The following SH3RF1 variants were observed in gnomAD, a reference collection of about 807,000 sequenced individuals.
SH3RF1 encodes SH3 domain containing ring finger 1.
In SH3RF1, 32 loss-of-function variants were observed where a neutral mutation model predicts 74.0. The observed-to-expected ratio is 0.43, with a 90% CI of 0.33 to 0.58. The LOEUF is 0.58. Among genes scored for constraint, SH3RF1 ranks in the 20% least tolerant of loss-of-function variants. SH3RF1 has a pLI of 0.05. For synonymous variants in SH3RF1, 396 were observed against 439.6 expected, an observed-to-expected ratio of 0.90 and a Z score of 1.24; for missense variants, 954 against 1,130.9, an observed-to-expected ratio of 0.84 and a Z score of 2.24.
intron 2 of SH3RF1, among the ~76,000 whole-genome samples, chr4:169,169,496 C>A (rs1734292153): frequency 6.6e-6 from 1 of 152,070 alleles, no homozygotes; most frequent in Non-Finnish European, 1.5e-5. Flanking sequence ...ACTTGGGAGG[C>A]TGAGGCAGGA....
At chr4:169,166,301 A>G (rs545768058) in intron 2 of SH3RF1, 7 of 153,326 alleles carry the variant, frequency 4.6e-5, no homozygotes, top group African/African-American at 1.7e-4. Context: ...GAAGCTGGAT[A>G]CTAAAGAGAA....
intron 2 of SH3RF1, chr4:169,217,359 C>G (rs889199254): frequency 6.6e-6 from 1 of 152,100 alleles, no homozygotes; most frequent in Non-Finnish European, 1.5e-5. Context: ...AGCAGAACAC[C>G]AAAGCTTGTC....
intron 11 of SH3RF1, among the ~76,000 whole-genome samples, chr4:169,101,703 G>C (rs1452850086): frequency 2.7e-5 from 4 of 146,360 alleles, no homozygotes; most frequent in Non-Finnish European, 4.5e-5. Context: ...AAGGAAAAAT[G>C]TATAAAGCTG....
At chr4:169,258,920 C>T (rs1731231498) in intron 2 of SH3RF1, among the ~76,000 whole-genome samples, 1 of 152,136 alleles carries the variant, frequency 6.6e-6, no homozygotes, top group Non-Finnish European at 1.5e-5. Context: ...AACATTACTG[C>T]TCACATTTCC....
At chr4:169,101,409 T>A (rs1733029716) in intron 11 of SH3RF1, among the ~76,000 whole-genome samples, 1 of 151,966 alleles carries the variant, frequency 6.6e-6, no homozygotes, top group Admixed American at 6.6e-5. Context: ...TGCCCAGAAG[T>A]CACTTACGGG....
intron 10 of SH3RF1, among the ~76,000 whole-genome samples, chr4:169,109,941 G>A (rs546344789): frequency 6.6e-6 from 1 of 151,710 alleles, no homozygotes; most frequent in East Asian, 1.9e-4. Flanking sequence ...TGAGCCTGGA[G>A]GTTGAAGTTG....
intron 8 of SH3RF1, among the ~76,000 whole-genome samples, chr4:169,119,513 C>G (rs1369123823): frequency 3.9e-5 from 6 of 152,004 alleles, no homozygotes; most frequent in African/African-American, 1.4e-4. Context: ...CCTTCATTAA[C>G]TTTATTTTTT....
At chr4:169,186,883 G>A (rs1579126368) in intron 2 of SH3RF1, among the ~76,000 whole-genome samples, 2 of 150,708 alleles carry the variant, frequency 1.3e-5, no homozygotes, top group African/African-American at 2.4e-5. Flanking sequence ...GCGTGGTGGC[G>A]GGTGACTGTG....
At position 169,096,365 on chromosome 4, in the gene SH3RF1, G is replaced by A. The variant is rs1387464456; in HGVS notation, c.*154C>T. 2.5e-5 allele frequency: 18 copies of A among 728,546 alleles called. No individual in the cohort carries two copies. The highest frequency in any genetic ancestry group is 3.3e-5 in the Non-Finnish European group (15 of 449,390). The allele number at this position is 728,546 out of a possible 1,614,324, so 45.1% of individuals were successfully genotyped here. ...CACAAACATCTTCTTCATTCTGCTC[G>A]CTGGGGTAACTGTGCTGGGGCATCA... On this transcript the variant is annotated 3_prime_UTR_variant, in exon 12 of 12. Transcript: ENST00000284637.
intron 11 of SH3RF1, among the ~76,000 whole-genome samples, chr4:169,100,285 C>T (rs1403169696): frequency 6.6e-6 from 1 of 152,148 alleles, no homozygotes; most frequent in African/African-American, 2.4e-5. Flanking sequence ...CCATCCACTC[C>T]TCTTCATTGT....
At chr4:169,100,354 T>G (rs989775130) in intron 11 of SH3RF1, among the ~76,000 whole-genome samples, 2 of 152,152 alleles carry the variant, frequency 1.3e-5, no homozygotes, top group Non-Finnish European at 2.9e-5. Context: ...ATATCTTTTT[T>G]TTTTAAGACT....
At chr4:169,130,269 T>A (rs1285568191) in intron 5 of SH3RF1, 113 bp from the exon 6 acceptor site, 1 of 770,324 alleles carries the variant, frequency 1.3e-6, no homozygotes, top group Non-Finnish European at 2.0e-6. Context: ...GTACTTTCTG[T>A]TATTTGGGGA....
intron 2 of SH3RF1, among the ~76,000 whole-genome samples, chr4:169,157,747 CT>C (rs34413899): frequency 0.32 from 46,486 of 144,790 alleles, 7,470 homozygotes; most frequent in African/African-American, 0.4. Context: ...CTTTTTTTTT[CT>C]TTTTTTTTTT....
At chr4:169,191,680 G>A (rs1212597561) in intron 2 of SH3RF1, among the ~76,000 whole-genome samples, 1 of 152,064 alleles carries the variant, frequency 6.6e-6, no homozygotes, top group Non-Finnish European at 1.5e-5. Context: ...GCATGGTACT[G>A]GTATAAAAAT....
intron 2 of SH3RF1, among the ~76,000 whole-genome samples, chr4:169,190,471 G>A (rs2126984128): frequency 6.6e-6 from 1 of 152,114 alleles, no homozygotes; most frequent in Non-Finnish European, 1.5e-5. Context: ...AGAAAACCTA[G>A]AGGAGATGGA....
At chr4:169,197,137 C>T (rs1191059334) in intron 2 of SH3RF1, among the ~76,000 whole-genome samples, 1 of 152,020 alleles carries the variant, frequency 6.6e-6, no homozygotes, top group Non-Finnish European at 1.5e-5. Flanking sequence ...TCCCGAGTAG[C>T]TGGGATTACA....
chr4:169,269,325 AG>A lies in SH3RF1; in HGVS notation c.-95-19del, dbSNP rs1300511988. 8.7e-7 allele frequency: 1 copy of A among 1,154,080 alleles called. No individual in the cohort carries two copies. The highest frequency in any genetic ancestry group is 1.7e-5 in the South Asian group (1 of 59,622). 71.5% of individuals were successfully genotyped at this position (1,154,080 alleles called of 1,614,324 possible). Reference sequence around the variant, plus strand: ...ACTTTGCTCTAGAGTCATGGGGAAAAGGGGGAAAAGAGAACATGAGTGTTGT... The same window carrying A: ...ACTTTGCTCTAGAGTCATGGGGAAAAGGGGAAAAGAGAACATGAGTGTTGT... On this transcript the variant is annotated intron_variant, in intron 1 of 11. Coordinates refer to ENST00000284637, the MANE Select transcript of SH3RF1 (RefSeq NM_020870.4).
At chr4:169,192,806 AT>A (rs1267045952) in intron 2 of SH3RF1, among the ~76,000 whole-genome samples, 1 of 147,288 alleles carries the variant, frequency 6.8e-6, no homozygotes, top group African/African-American at 2.5e-5. Flanking sequence ...TTATATATAT[AT>A]GATATATATG....
At chr4:169,185,098 T>C (rs1195149267) in intron 2 of SH3RF1, among the ~76,000 whole-genome samples, 2 of 152,220 alleles carry the variant, frequency 1.3e-5, no homozygotes, top group Non-Finnish European at 2.9e-5. Context: ...TCCTTCCCTA[T>C]ATATTAAGAT....
Sources: allele counts gnomAD v4.1 joint callset (sites outside exome capture counted in the v4.1 genomes callset), GRCh38; gene constraint gnomAD v4.1.1; transcripts MANE v1.5; gene names NCBI Gene and HGNC (gene_info 2026-07-23, HGNC 2026-07-21).